Variants in FHIT observed in about 807,000 individuals in gnomAD.
The protein encoded by FHIT is bis(5'-adenosyl)-triphosphatase.
Under a neutral mutation model 17.9 loss-of-function variants are expected in FHIT, and 19 were observed. The ratio of observed to expected loss-of-function variants is 1.06; its 90% CI spans 0.74 to 1.56. The LOEUF (loss-of-function observed/expected upper bound fraction) is 1.56, where lower values mean the gene tolerates loss of function less well. Among genes scored for constraint, FHIT ranks in the 40% most tolerant of loss-of-function variants. The probability of loss-of-function intolerance (pLI) is 0.00; values close to 1 mark genes in which losing one functional copy is unlikely to be tolerated. For missense variants in FHIT, 248 were observed against 189.2 expected (o/e 1.31, Z -1.82); for synonymous variants, 81 against 69.7 (o/e 1.16, Z -0.81).
chr3:59,801,502 T>TTA (rs764875205), intron 8 of FHIT, among the ~76,000 whole-genome samples: 140 of 152,242 alleles, frequency 9.2e-4, no homozygotes, highest in Non-Finnish European at 1.7e-3. Flanking sequence ...TTCTGAATGT[T>TTA]TAGTTTCCCT....
intron 8 of FHIT, among the ~76,000 whole-genome samples, chr3:59,897,628 T>C (rs1704128539): frequency 6.6e-6 from 1 of 152,218 alleles, no homozygotes; most frequent in Non-Finnish European, 1.5e-5. Flanking sequence ...TGAACAAATA[T>C]AAGCACAGCT....
intron 5 of FHIT, among the ~76,000 whole-genome samples, chr3:60,019,846 G>A (rs1364722587): frequency 6.6e-6 from 1 of 152,220 alleles, no homozygotes; most frequent in Admixed American, 6.5e-5. Flanking sequence ...AGCTCAACTG[G>A]TGAGCTTCCC....
intron 1 of FHIT, among the ~76,000 whole-genome samples, chr3:61,250,011 A>C (rs2040579200): frequency 6.7e-6 from 1 of 149,056 alleles, no homozygotes. Context: ...TTCTTTCTTT[A>C]CTAAATATTT....
At chr3:59,835,828 T>C (rs1483126992) in intron 8 of FHIT, among the ~76,000 whole-genome samples, 1 of 152,140 alleles carries the variant, frequency 6.6e-6, no homozygotes, top group Non-Finnish European at 1.5e-5. Flanking sequence ...TTCTAAGATC[T>C]GGAGGGAATT....
intron 7 of FHIT, among the ~76,000 whole-genome samples, chr3:59,929,362 G>GTTTTTTTTTTTTTTTTTTTTTT (rs1559740305): frequency 1.1e-5 from 1 of 92,036 alleles, no homozygotes. Context: ...TTGTTTTTTT[G>GTTTTTTTTTTTTTTTTTTTTTT]GTTTTTTTTT....
intron 3 of FHIT, among the ~76,000 whole-genome samples, chr3:60,861,280 C>CT (rs1242081119): frequency 0.026 from 1,088 of 41,400 alleles, 44 homozygotes; most frequent in Non-Finnish European, 0.034. Context: ...ATATATCTTT[C>CT]TTTTTTTTTT....
At chr3:60,264,578 AG>A (rs1459989662) in intron 5 of FHIT, among the ~76,000 whole-genome samples, 1 of 151,938 alleles carries the variant, frequency 6.6e-6, no homozygotes, top group African/African-American at 2.4e-5. Flanking sequence ...ACATTAAGAG[AG>A]TTAATAGAGA....
Position 60,145,736 on chromosome 3 carries a change from C to G in FHIT, c.104-131584G>C, listed in dbSNP as rs930709609. On this transcript the variant is annotated intron_variant, in intron 5 of 9. Transcript: ENST00000492590. The stretch of plus-strand genomic sequence containing the variant: ...CCACACTTATCCTGGTCCCCTTTAT[C>G]TATGTTAGAGAAACAAGACCATCTC... Among the ~76,000 whole-genome samples, 23 of 152,274 alleles carry G rather than the reference C, an allele frequency of 1.5e-4. No homozygotes were observed. The South Asian group carries it at 3.9e-3, about 26-fold the overall frequency.
chr3:61,040,780 A>T (rs1213254864), intron 3 of FHIT, among the ~76,000 whole-genome samples: 1 of 152,166 alleles, frequency 6.6e-6, no homozygotes, highest in Non-Finnish European at 1.5e-5. Flanking sequence ...TTATCCTTCA[A>T]ATCATATGGC....
chr3:60,685,518 T>C (rs751361946), intron 4 of FHIT, among the ~76,000 whole-genome samples: 15 of 152,264 alleles, frequency 9.9e-5, no homozygotes, highest in South Asian at 2.1e-4. Context: ...TGTCAAGAGA[T>C]TGCTTGATCT....
At chr3:60,950,722 C>T (rs1708843092) in intron 3 of FHIT, among the ~76,000 whole-genome samples, 1 of 151,782 alleles carries the variant, frequency 6.6e-6, no homozygotes, top group South Asian at 2.1e-4. Context: ...GGGGTTTCAC[C>T]ATGTTGGCCA....
chr3:59,897,222 C>T (rs1302310253), intron 8 of FHIT, among the ~76,000 whole-genome samples: 5 of 152,150 alleles, frequency 3.3e-5, no homozygotes, highest in South Asian at 2.1e-4. Context: ...GCTTCTGTAT[C>T]GAGAAACTGA....
At chr3:61,056,981 C>G (rs1169586636) in intron 2 of FHIT, among the ~76,000 whole-genome samples, 1 of 152,152 alleles carries the variant, frequency 6.6e-6, no homozygotes, top group Non-Finnish European at 1.5e-5. Flanking sequence ...CTCATGATCT[C>G]AGAGTAGGGG....
intron 5 of FHIT, among the ~76,000 whole-genome samples, chr3:60,340,391 C>T (rs543012454): frequency 3.9e-4 from 59 of 152,256 alleles, no homozygotes; most frequent in African/African-American, 1.3e-3. Context: ...GGTACATTGC[C>T]TCTGATCACT....
At chr3:59,790,358 G>A (rs1446717976) in intron 8 of FHIT, among the ~76,000 whole-genome samples, 3 of 152,156 alleles carry the variant, frequency 2.0e-5, no homozygotes, top group Non-Finnish European at 4.4e-5. Flanking sequence ...CCACTAAGAG[G>A]TAGAGGGCAA....
intron 4 of FHIT, among the ~76,000 whole-genome samples, chr3:60,552,644 A>G (rs1216036094): frequency 6.6e-6 from 1 of 152,096 alleles, no homozygotes; most frequent in Non-Finnish European, 1.5e-5. Context: ...CCAACTTGGT[A>G]AGTATTTATA....
intron 8 of FHIT, among the ~76,000 whole-genome samples, chr3:59,818,152 G>A (rs2106641032): frequency 6.6e-6 from 1 of 152,094 alleles, no homozygotes; most frequent in South Asian, 2.1e-4. Context: ...AAAGAGGGAG[G>A]CAGAAAACTT....
At chr3:60,617,927 G>T in intron 4 of FHIT, 1 of 240,896 alleles carries the variant, frequency 4.2e-6, no homozygotes, top group South Asian at 6.2e-5. Flanking sequence ...TGTGATAACT[G>T]AAAAATCCTT....
At chr3:60,755,512 C>T (rs2042554615) in intron 4 of FHIT, among the ~76,000 whole-genome samples, 1 of 152,198 alleles carries the variant, frequency 6.6e-6, no homozygotes, top group Non-Finnish European at 1.5e-5. Context: ...TAATTTGCAA[C>T]CTCTGGTTTC....
Sources: gnomAD v4.1 joint callset for allele counts (sites outside exome capture counted in the v4.1 genomes callset) on GRCh38, gnomAD v4.1.1 for gene constraint, MANE v1.5 for transcripts, NCBI Gene and HGNC (gene_info 2026-07-23, HGNC 2026-07-21) for gene names.